The following MANBA variants were observed in gnomAD, a reference collection of about 807,000 sequenced individuals.
The protein encoded by MANBA is mannosidase beta.
In MANBA, 83 loss-of-function variants were observed where a neutral mutation model predicts 111.1. The ratio of observed to expected loss-of-function variants is 0.75; its 90% confidence interval spans 0.63 to 0.90. MANBA has a LOEUF of 0.90. Ranked by LOEUF, MANBA falls within the 40% of genes least tolerant of loss-of-function variation. The probability of loss-of-function intolerance (pLI) is 0.00; values close to 1 mark genes in which losing one functional copy is unlikely to be tolerated. For missense variants in MANBA, 1,036 were observed against 1,069.0 expected, an observed-to-expected ratio of 0.97 and a Z score of 0.43; for synonymous variants, 370 against 378.7, an observed-to-expected ratio of 0.98 and a Z score of 0.27.
intron 1 of MANBA, chr4:102,728,207 G>A (rs566972714): frequency 1.9e-6 from 1 of 538,110 alleles, no homozygotes; most frequent in African/African-American, 1.9e-5. Flanking sequence ...CTCCCTTGGG[G>A]CTGGACTCCT....
chr4:102,647,208 A>C (rs974389680), intron 13 of MANBA, among the ~76,000 whole-genome samples: 1 of 149,876 alleles, frequency 6.7e-6, no homozygotes, highest in African/African-American at 2.5e-5. Flanking sequence ...AAACAAAATA[A>C]AATAATCATA....
At chr4:102,739,026 C>T (rs989260507) in intron 1 of MANBA, among the ~76,000 whole-genome samples, 10 of 151,378 alleles carry the variant, frequency 6.6e-5, no homozygotes, top group East Asian at 3.9e-4. Context: ...AAAACTGGCT[C>T]GGTGAAAAGA....
At chr4:102,684,924 T>C (rs976940099) in intron 7 of MANBA, among the ~76,000 whole-genome samples, 11 of 152,176 alleles carry the variant, frequency 7.2e-5, no homozygotes, top group African/African-American at 2.4e-4. Flanking sequence ...CCATTTACTA[T>C]TTTCAGACCA....
At chr4:102,722,658 C>T (rs1405857118) in intron 4 of MANBA, 16 of 573,040 alleles carry the variant, frequency 2.8e-5, no homozygotes, top group East Asian at 9.2e-5. Flanking sequence ...GTTCTGAACA[C>T]GCTTCAGGAA....
intron 10 of MANBA, chr4:102,665,173 A>C (rs765034064): frequency 7.7e-6 from 2 of 260,184 alleles, no homozygotes; most frequent in Non-Finnish European, 1.5e-5. Flanking sequence ...GTGGATTGCC[A>C]CAAAGAAAAC....
At position 102,690,671 on chromosome 4, in the gene MANBA, C is replaced by T. The variant is rs763914537; in HGVS notation, c.774G>A (p.Leu258=). 83 of 1,611,520 alleles carry T rather than the reference C, an allele frequency of 5.2e-5. No homozygotes were observed. The highest frequency in any genetic ancestry group is 6.6e-5 in the Non-Finnish European group (78 of 1,178,292). ...GGQVIVAIPK[L]QTQQTYSIEL... is the part of the protein sequence containing the mutation. ...CAATGCTGTATGTCTGTTGTGTTTG[C>T]AACTTAGGGATGGCTACGATCACTT... is the stretch of plus-strand genomic sequence containing the variant. The change falls in exon 6 of 17, where the codon TTG becomes TTA. Residue 258 remains leucine (L), a synonymous_variant. Transcript: ENST00000647097.
Position 102,721,127 on chromosome 4 carries a change from C to T in MANBA, c.549+1744G>A, listed in dbSNP as rs561691368. On this transcript the variant is annotated intron_variant, in intron 4 of 16. Transcript: ENST00000647097. ...TCACCTGAGGTCAGGAGTTCAAGAG[C>T]AGCCTGGCCAACATGGCGAAACTCC... 1.6e-4 allele frequency among the ~76,000 whole-genome samples: 25 copies of T among 152,280 alleles called. No individual in the cohort carries two copies. The South Asian group carries it at 2.9e-3, about 18-fold the overall frequency.
chr4:102,676,686 CA>C (rs1163840842), intron 7 of MANBA, among the ~76,000 whole-genome samples: 2 of 150,548 alleles, frequency 1.3e-5, no homozygotes, highest in Non-Finnish European at 2.9e-5. Flanking sequence ...GATAAATCAT[CA>C]AAAAACTTCT....
intron 1 of MANBA, among the ~76,000 whole-genome samples, chr4:102,759,629 C>A (rs1034243686): frequency 6.6e-6 from 1 of 151,410 alleles, no homozygotes; most frequent in African/African-American, 2.4e-5. Flanking sequence ...AGATGACCAC[C>A]TTGTCATGCA....
chr4:102,633,524 A>T (rs1045345846), intron 16 of MANBA: 11 of 397,998 alleles, frequency 2.8e-5, no homozygotes, highest in Admixed American at 4.4e-5. Context: ...CCCTTGAGAA[A>T]AGAAGCCAAA....
At chr4:102,648,701 G>C (rs923049287) in intron 13 of MANBA, among the ~76,000 whole-genome samples, 7 of 152,216 alleles carry the variant, frequency 4.6e-5, no homozygotes, top group African/African-American at 1.7e-4. Flanking sequence ...GTACCCTTAA[G>C]ATGTGTGAAT....
At chr4:102,723,566 A>G (rs771338596) in intron 3 of MANBA, among the ~76,000 whole-genome samples, 8 of 152,266 alleles carry the variant, frequency 5.3e-5, no homozygotes, top group Admixed American at 1.3e-4. Flanking sequence ...CATTTGTCCA[A>G]TGAAACTGTA....
intron 3 of MANBA, among the ~76,000 whole-genome samples, chr4:102,723,328 T>C (rs1722660912): frequency 6.6e-6 from 1 of 152,156 alleles, no homozygotes; most frequent in Non-Finnish European, 1.5e-5. Context: ...GAGCAAAAAA[T>C]AACTTTAGCT....
Position 102,650,679 on chromosome 4 carries a change from G to T in MANBA, c.1727C>A (p.Ser576Tyr). 6.2e-7 allele frequency: 1 copy of T among 1,613,120 alleles called. No homozygotes were observed. The highest frequency in any genetic ancestry group is 8.5e-7 in the Non-Finnish European group (1 of 1,179,202). Residue 576 changes from serine to tyrosine, a missense_variant, in exon 13 of 17, where the codon TCT becomes TAT. Transcript: ENST00000647097. ...LEKVSSTEDW[S>Y]FNSKFSLHRQ... Reference sequence around the variant, plus strand: ...ATGAAGTGAAAACTTGCTATTGAAAGACCAGTCCTCTGTAGACGAGACCTT... The same window carrying T: ...ATGAAGTGAAAACTTGCTATTGAAATACCAGTCCTCTGTAGACGAGACCTT...
At chr4:102,759,718 C>A (rs1373663906) in intron 1 of MANBA, among the ~76,000 whole-genome samples, 1 of 152,112 alleles carries the variant, frequency 6.6e-6, no homozygotes, top group African/African-American at 2.4e-5. Flanking sequence ...CCAAACTAAG[C>A]ATACCACATA....
intron 7 of MANBA, among the ~76,000 whole-genome samples, chr4:102,683,697 G>GT (rs1439057742): frequency 6.6e-6 from 1 of 151,990 alleles, no homozygotes; most frequent in Non-Finnish European, 1.5e-5. Flanking sequence ...TTTTTCTTTT[G>GT]TTAAAAAATC....
Position 102,714,546 on chromosome 4 carries a change from T to C in MANBA, c.565A>G (p.Ser189Gly). 4 of 1,608,640 alleles carry C rather than the reference T, an allele frequency of 2.5e-6. No individual in the cohort carries two copies. The highest frequency in any genetic ancestry group is 3.4e-6 in the Non-Finnish European group (4 of 1,175,066). ...NFVRKEQCSF[S>G]WDWGPSFPTQ... Reference sequence around the variant, plus strand: ...GGAAAGGAAGGCCCCCAGTCCCAACTAAAGGAACATTGCTCCTGCAATTTC... The same window carrying C: ...GGAAAGGAAGGCCCCCAGTCCCAACCAAAGGAACATTGCTCCTGCAATTTC... Residue 189 changes from serine to glycine, a missense_variant, in exon 5 of 17, where the codon AGT (serine) becomes GGT (glycine). By Grantham distance (56) the Ser-to-Gly change is moderately conservative (BLOSUM62 0). Transcript: ENST00000647097.
Position 102,691,493 on chromosome 4 carries a change from G to C in MANBA, c.674-722C>G, listed in dbSNP as rs191352291. Among the ~76,000 whole-genome samples, 538 of 150,962 alleles carry C rather than the reference G, an allele frequency of 3.6e-3. 5 individuals are homozygous for C. Among genetic ancestry groups the C allele is most frequent in the African/African-American group, 0.012 (496 of 41,196 alleles). ...GCTAATACAGAGAGGGTGAAGGAAG[G>C]CTTTCTCTCTTTTCTTTTTCCTTTT... On this transcript the variant is annotated intron_variant, in intron 5 of 16. Transcript: ENST00000647097.
chr4:102,671,933 C>T (rs73836808), intron 8 of MANBA: 1 of 409,714 alleles, frequency 2.4e-6, no homozygotes, highest in Non-Finnish European at 4.3e-6. Context: ...ATTCCCAGAA[C>T]AGTGCTCAAA....
Sources: gnomAD v4.1 joint callset for allele counts (sites outside exome capture counted in the v4.1 genomes callset) on GRCh38, gnomAD v4.1.1 for gene constraint, MANE v1.5 for transcripts, NCBI Gene and HGNC (gene_info 2026-07-23, HGNC 2026-07-21) for gene names.